Variants in KDM4C observed in about 807,000 individuals in gnomAD.
KDM4C encodes lysine-specific demethylase 4C.
A neutral mutation model predicts 129.3 loss-of-function variants in KDM4C; 81 were observed. The ratio of observed to expected loss-of-function variants is 0.63; its 90% CI spans 0.52 to 0.75. The LOEUF is 0.75. Ranked by LOEUF, KDM4C falls within the 30% of genes least tolerant of loss-of-function variation. The probability of loss-of-function intolerance (pLI) is 0.00; values close to 1 mark genes in which losing one functional copy is unlikely to be tolerated. For synonymous variants in KDM4C, 573 were observed against 456.1 expected (o/e 1.26, Z -3.26); for missense variants, 1,457 against 1,304.0 (o/e 1.12, Z -1.81).
At chr9:6,956,669 A>G (rs1365912575) in intron 8 of KDM4C, among the ~76,000 whole-genome samples, 2 of 152,242 alleles carry the variant, frequency 1.3e-5, no homozygotes, top group Non-Finnish European at 2.9e-5. Flanking sequence ...CATATAATAC[A>G]CAGAGCCTAA....
rs577343449 is a variant in KDM4C at position 7,062,413 on chromosome 9, G to T, written c.2424+13213G>T. ...TTTTACTTGTTTATTTTTGAGACAGGGCCTTGCTCTGTTGCCCAGGCTGGA... is the reference window on the plus strand; with the variant it reads ...TTTTACTTGTTTATTTTTGAGACAGTGCCTTGCTCTGTTGCCCAGGCTGGA... On this transcript the variant is annotated intron_variant, in intron 17 of 21. Transcript: ENST00000381309. Among the ~76,000 whole-genome samples, 7 of 149,260 alleles carry T rather than the reference G, an allele frequency of 4.7e-5. No homozygotes were observed. In the East Asian group the frequency reaches 1.0e-3, roughly 22 times the overall value.
At chr9:7,070,718 A>G (rs1000194282) in intron 17 of KDM4C, among the ~76,000 whole-genome samples, 1 of 152,160 alleles carries the variant, frequency 6.6e-6, no homozygotes, top group South Asian at 2.1e-4. Context: ...ATTCTAATAA[A>G]GCATACTTAC....
Position 6,758,983 on chromosome 9 carries a change from G to C in KDM4C, c.-18+780G>C, listed in dbSNP as rs187056586. 2.6e-5 allele frequency among the ~76,000 whole-genome samples: 4 copies of C among 152,254 alleles called. No individual in the cohort carries two copies. The highest frequency in any genetic ancestry group is 1.3e-4 in the Admixed American group (2 of 15,272). On this transcript the variant is annotated intron_variant, in intron 1 of 21. Coordinates refer to ENST00000381309, the MANE Select transcript of KDM4C (RefSeq NM_015061.6). The surrounding 1 kb of genome is among the most constrained non-coding windows in gnomAD (Gnocchi z 4.6). ...ATTCAGATGCTTTCCGCGTGGACTT[G>C]ATGCTGGGCTCCCCCTTTGCTGCGC...
chr9:6,797,831 A>T (rs1354941299), intron 2 of KDM4C, among the ~76,000 whole-genome samples: 1 of 152,244 alleles, frequency 6.6e-6, no homozygotes, highest in African/African-American at 2.4e-5. Context: ...ATTTTAGCAG[A>T]AAGTTTCCCA....
chr9:6,757,576 G>C (rs1014412906), upstream of KDM4C: 53 of 956,978 alleles, frequency 5.5e-5, 1 homozygote, highest in African/African-American at 7.6e-4. Context: ...TTCTCGCCAG[G>C]CTCTCCAGTA....
At position 7,067,989 on chromosome 9, in the gene KDM4C, G is replaced by A. The variant is rs921619121; in HGVS notation, c.2424+18789G>A. On this transcript the variant is annotated intron_variant, in intron 17 of 21. Coordinates refer to ENST00000381309, the MANE Select transcript of KDM4C (RefSeq NM_015061.6). ...TTTTTTGTATTTTTAGTAGAGACGG[G>A]GTTTCACCATTTTAGTCAGGATGGT... Among the ~76,000 whole-genome samples, 5 of 152,156 alleles carry A rather than the reference G, an allele frequency of 3.3e-5. No individual in the cohort carries two copies. In the South Asian group the frequency reaches 8.3e-4, roughly 25 times the overall value.
intron 8 of KDM4C, among the ~76,000 whole-genome samples, chr9:6,933,353 A>G (rs1209732461): frequency 6.6e-6 from 1 of 152,184 alleles, no homozygotes; most frequent in African/African-American, 2.4e-5. Context: ...TGCCTATCTG[A>G]GATAGATTTT....
At chr9:6,787,324 C>T (rs377614236) in intron 1 of KDM4C, among the ~76,000 whole-genome samples, 14 of 152,340 alleles carry the variant, frequency 9.2e-5, no homozygotes, top group East Asian at 1.9e-4. Context: ...CCTCCGCCCC[C>T]GGGGTTCAAG....
chr9:7,063,462 C>G (rs187946806), intron 17 of KDM4C, among the ~76,000 whole-genome samples: 1 of 152,260 alleles, frequency 6.6e-6, no homozygotes, highest in Admixed American at 6.5e-5. Flanking sequence ...AGGATCAGAG[C>G]AGATTAATGT....
At chr9:6,734,961 A>G in intron 1 of KDM4C, 1 of 571,788 alleles carries the variant, frequency 1.7e-6, no homozygotes, top group Non-Finnish European at 3.5e-6. Flanking sequence ...ATGTCTGTCT[A>G]ACACATCAAC....
At chr9:6,765,976 A>G (rs912440011) in intron 1 of KDM4C, among the ~76,000 whole-genome samples, 3 of 152,046 alleles carry the variant, frequency 2.0e-5, no homozygotes, top group Non-Finnish European at 4.4e-5. Flanking sequence ...TTTAGTAGAG[A>G]TGGGGTTTCA....
intron 1 of KDM4C, among the ~76,000 whole-genome samples, chr9:6,744,589 G>T (rs560669820): frequency 6.6e-6 from 1 of 151,930 alleles, no homozygotes; most frequent in African/African-American, 2.4e-5. Context: ...TAGAGACAGG[G>T]TCTACTATGT....
chr9:6,955,864 C>G (rs978203889), intron 8 of KDM4C, among the ~76,000 whole-genome samples: 10 of 152,230 alleles, frequency 6.6e-5, no homozygotes, highest in African/African-American at 2.4e-4. Context: ...TTGTCTAGTA[C>G]AAAATTGTTC....
At chr9:6,933,858 A>AT (rs199855068) in intron 8 of KDM4C, among the ~76,000 whole-genome samples, 37,854 of 149,576 alleles carry the variant, frequency 0.25, 5,214 homozygotes, top group South Asian at 0.39. Context: ...TTATTTATTT[A>AT]TTTTTTTTTG....
chr9:7,029,884 A>G (rs1215146444), intron 15 of KDM4C, among the ~76,000 whole-genome samples: 2 of 152,214 alleles, frequency 1.3e-5, no homozygotes, highest in African/African-American at 2.4e-5. Context: ...GGCAGCATTA[A>G]GCCTATGGTG....
At chr9:7,007,010 G>A (rs1464563930) in intron 12 of KDM4C, among the ~76,000 whole-genome samples, 1 of 152,220 alleles carries the variant, frequency 6.6e-6, no homozygotes, top group East Asian at 1.9e-4. Context: ...TTGTTGCCAA[G>A]GTGGCAATAT....
At chr9:6,881,057 T>C (rs1010890114) in intron 6 of KDM4C, among the ~76,000 whole-genome samples, 4 of 152,198 alleles carry the variant, frequency 2.6e-5, no homozygotes, top group African/African-American at 9.7e-5. Flanking sequence ...CTAAGTTTCA[T>C]TGGTGTGTTA....
chr9:6,745,662 G>A (rs565324943), intron 1 of KDM4C, among the ~76,000 whole-genome samples: 18 of 151,634 alleles, frequency 1.2e-4, no homozygotes, highest in East Asian at 3.9e-4. Flanking sequence ...TTTTTGAGAC[G>A]GAGTCTCACT....
chr9:6,902,264 A>T (rs1399453776), intron 8 of KDM4C, among the ~76,000 whole-genome samples: 1 of 152,208 alleles, frequency 6.6e-6, no homozygotes, highest in Non-Finnish European at 1.5e-5. Context: ...CACATATTTC[A>T]TGATCAAGTA....
Sources: gnomAD v4.1 joint callset for allele counts (sites outside exome capture counted in the v4.1 genomes callset) on GRCh38, gnomAD v4.1.1 for gene constraint, Gnocchi (gnomAD v3.1) non-coding constraint, MANE v1.5 for transcripts, NCBI Gene and HGNC (gene_info 2026-07-23, HGNC 2026-07-21) for gene names.